Variants in P2RY14 observed in about 807,000 individuals in gnomAD.
The protein encoded by P2RY14 is P2Y purinoceptor 14.
P2RY14 carries 2 observed loss-of-function variants against 0.9 expected under a neutral mutation model. That is an observed-to-expected ratio of 2.16 (90% confidence interval 0.88 to 6.79). The LOEUF (loss-of-function observed/expected upper bound fraction) is 6.79, where lower values mean the gene tolerates loss of function less well. Among genes scored for constraint, P2RY14 ranks in the 30% most tolerant of loss-of-function variants. P2RY14 has a pLI of 0.05. For missense variants in P2RY14, 378 were observed against 400.1 expected, an observed-to-expected ratio of 0.94 and a Z score of 0.47; for synonymous variants, 158 against 147.2, an observed-to-expected ratio of 1.07 and a Z score of -0.53.
intron 1 of P2RY14, among the ~76,000 whole-genome samples, chr3:151,262,512 C>A (rs1000854535): frequency 3.3e-5 from 5 of 152,236 alleles, no homozygotes; most frequent in African/African-American, 1.2e-4. Context: ...ATAGTTCAGC[C>A]TTTTGGAGGT....
chr3:151,248,430 C>G (rs1559935943), intron 1 of P2RY14, among the ~76,000 whole-genome samples: 1 of 152,110 alleles, frequency 6.6e-6, no homozygotes, highest in South Asian at 2.1e-4. Context: ...TTAAACCAAA[C>G]TGTCTGGTTT....
chr3:151,235,085 C>T (rs1732466013), intron 1 of P2RY14, among the ~76,000 whole-genome samples: 1 of 152,152 alleles, frequency 6.6e-6, no homozygotes, highest in Non-Finnish European at 1.5e-5. Context: ...GGCAGGCAAA[C>T]CAATATTCCT....
chr3:151,222,554 G>T (rs997933186), intron 1 of P2RY14, among the ~76,000 whole-genome samples: 5 of 152,178 alleles, frequency 3.3e-5, no homozygotes, highest in Admixed American at 1.3e-4. Context: ...AATGGGAGTT[G>T]CCCTGCACAA....
chr3:151,240,173 A>T (rs1436892424), intron 1 of P2RY14, among the ~76,000 whole-genome samples: 2 of 152,078 alleles, frequency 1.3e-5, no homozygotes, highest in East Asian at 1.9e-4. Flanking sequence ...TAGAGTGTAG[A>T]TTACTTAAGG....
intron 1 of P2RY14, chr3:151,269,621 A>G (rs1261294481): frequency 2.2e-5 from 8 of 362,658 alleles, no homozygotes; most frequent in South Asian, 1.5e-4. Context: ...GAGGAAGACA[A>G]AGAGGCACTG....
chr3:151,276,873 C>A (rs1445938332), intron 1 of P2RY14, among the ~76,000 whole-genome samples: 1 of 152,030 alleles, frequency 6.6e-6, no homozygotes, highest in African/African-American at 2.4e-5. Context: ...TTGGAATCTC[C>A]CCACTGTTCT....
chr3:151,239,899 G>C (rs1733731392), intron 1 of P2RY14, among the ~76,000 whole-genome samples: 1 of 152,164 alleles, frequency 6.6e-6, no homozygotes, highest in African/African-American at 2.4e-5. Context: ...AAAAATATAT[G>C]AAACTTCCCA....
intron 1 of P2RY14, chr3:151,269,463 A>C (rs933350332): frequency 4.0e-6 from 1 of 250,618 alleles, no homozygotes; most frequent in Admixed American, 5.1e-5. Flanking sequence ...CTTAATGAAC[A>C]AGCCAGTGGG....
At chr3:151,245,138 A>T (rs909704809) in intron 1 of P2RY14, among the ~76,000 whole-genome samples, 5 of 152,374 alleles carry the variant, frequency 3.3e-5, no homozygotes, top group African/African-American at 1.2e-4. Flanking sequence ...TAGCTTAGCA[A>T]CCAAAAAGAG....
At chr3:151,253,017 G>A (rs940909609) in intron 1 of P2RY14, among the ~76,000 whole-genome samples, 4 of 152,050 alleles carry the variant, frequency 2.6e-5, no homozygotes, top group Admixed American at 1.3e-4. Context: ...ATTACATGTC[G>A]TGAGCTAAAG....
At chr3:151,277,337 A>C (rs1050991039) in intron 1 of P2RY14, among the ~76,000 whole-genome samples, 4 of 152,138 alleles carry the variant, frequency 2.6e-5, no homozygotes, top group Non-Finnish European at 5.9e-5. Flanking sequence ...TATAAAATTC[A>C]TTGCATGTTT....
intron 1 of P2RY14, among the ~76,000 whole-genome samples, chr3:151,265,565 T>C (rs1255782071): frequency 6.6e-6 from 1 of 152,202 alleles, no homozygotes; most frequent in Non-Finnish European, 1.5e-5. Context: ...AGATTTTCAG[T>C]TATATTCAGG....
chr3:151,252,757 T>C (rs898676133), intron 1 of P2RY14, among the ~76,000 whole-genome samples: 2 of 152,188 alleles, frequency 1.3e-5, no homozygotes, highest in Non-Finnish European at 2.9e-5. Flanking sequence ...GGTTTGTTCA[T>C]ATGTAATCTA....
intron 1 of P2RY14, among the ~76,000 whole-genome samples, chr3:151,246,546 G>T (rs1001941390): frequency 2.0e-5 from 3 of 152,134 alleles, no homozygotes; most frequent in Non-Finnish European, 2.9e-5. Context: ...AATAAATGGT[G>T]CTGGGAAAAC....
At chr3:151,271,671 C>T (rs1023723361) in intron 1 of P2RY14, among the ~76,000 whole-genome samples, 7 of 152,052 alleles carry the variant, frequency 4.6e-5, no homozygotes, top group African/African-American at 9.7e-5. Flanking sequence ...TATGGTGATC[C>T]GGAGGATGAT....
At position 151,239,165 on chromosome 3, in the gene P2RY14, A is replaced by G. The variant is rs114772700; in HGVS notation, c.-132-19523T>C. Among the ~76,000 whole-genome samples, 1,182 of 152,344 alleles carry G rather than the reference A, an allele frequency of 7.8e-3. 6 individuals carry two copies. The highest frequency in any genetic ancestry group is 0.011 in the Non-Finnish European group (773 of 68,034). On this transcript the variant is annotated intron_variant, in intron 1 of 2. Coordinates refer to ENST00000309170, the MANE Select transcript of P2RY14 (RefSeq NM_014879.4). ...AGTGTTTATATTTACAAATTTCTGC[A>G]TGAATGTATTTTATCTACATGACCA...
At chr3:151,246,588 A>T (rs979410219) in intron 1 of P2RY14, among the ~76,000 whole-genome samples, 5 of 152,174 alleles carry the variant, frequency 3.3e-5, no homozygotes, top group Middle Eastern at 3.2e-3. Context: ...CTGAAACTGG[A>T]TCCCTTTCTT....
Position 151,224,446 on chromosome 3 carries a change from CT to C in P2RY14, c.-132-4805del, listed in dbSNP as rs80099332. On this transcript the variant is annotated intron_variant, in intron 1 of 2. Coordinates refer to ENST00000309170, the MANE Select transcript of P2RY14 (RefSeq NM_014879.4). The stretch of plus-strand genomic sequence containing the variant: ...ATCTCTCATGCCTTAATGTTTAACA[CT>C]TTTTTTTTTTTTGGTGTCAATGTGA... 4.5e-3 allele frequency among the ~76,000 whole-genome samples: 642 copies of C among 142,790 alleles called. 1 individual carries two copies. The highest frequency in any genetic ancestry group is 4.2e-3 in the Non-Finnish European group (273 of 64,924). 93.7% of individuals were successfully genotyped at this position (142,790 alleles called of 152,430 possible).
intron 1 of P2RY14, among the ~76,000 whole-genome samples, chr3:151,257,994 C>A (rs2149483474): frequency 6.6e-6 from 1 of 152,264 alleles, no homozygotes; most frequent in African/African-American, 2.4e-5. Flanking sequence ...TTTGTTTTGG[C>A]CACAAGTTCA....
Sources: allele counts gnomAD v4.1 joint callset (sites outside exome capture counted in the v4.1 genomes callset), GRCh38; gene constraint gnomAD v4.1.1; transcripts MANE v1.5; gene names NCBI Gene and HGNC (gene_info 2026-07-23, HGNC 2026-07-21).